GRIP1: variants seen among roughly 807,000 people sequenced by gnomAD.
The protein encoded by GRIP1 is glutamate receptor interacting protein 1.
A neutral mutation model predicts 129.9 loss-of-function variants in GRIP1; 45 were observed. That is an observed-to-expected ratio of 0.35 (90% CI 0.27 to 0.44). The LOEUF (loss-of-function observed/expected upper bound fraction) is 0.44, where lower values mean the gene tolerates loss of function less well. GRIP1 is among the 20% of genes least tolerant of loss of function. The probability of loss-of-function intolerance (pLI) is 1.00; values close to 1 mark genes in which losing one functional copy is unlikely to be tolerated. For synonymous variants in GRIP1, 530 were observed against 520.8 expected (o/e 1.02, Z -0.24); for missense variants, 1,196 against 1,396.8 (o/e 0.86, Z 2.29).
chr12:66,830,422 T>C (rs890441118), intron 1 of GRIP1, among the ~76,000 whole-genome samples: 1 of 151,610 alleles, frequency 6.6e-6, no homozygotes, highest in Non-Finnish European at 1.5e-5. Flanking sequence ...AGAGACAGAG[T>C]GAGCCTTGAA....
At chr12:66,729,384 G>A (rs1051509979) in intron 1 of GRIP1, among the ~76,000 whole-genome samples, 6 of 152,000 alleles carry the variant, frequency 3.9e-5, no homozygotes, top group African/African-American at 1.5e-4. Flanking sequence ...GGCAAATAGT[G>A]AGCATAATAA....
chr12:66,914,313 G>C (rs553020573), intron 1 of GRIP1, among the ~76,000 whole-genome samples: 19 of 152,270 alleles, frequency 1.2e-4, no homozygotes, highest in African/African-American at 4.6e-4. Context: ...TATAGGTAAA[G>C]TTTATAAATA....
At chr12:66,712,009 G>T (rs1054085010) in intron 1 of GRIP1, among the ~76,000 whole-genome samples, 6 of 151,878 alleles carry the variant, frequency 4.0e-5, no homozygotes, top group Admixed American at 6.6e-5. Flanking sequence ...AGCTATCCAA[G>T]AACTATAGTT....
At chr12:66,893,493 C>T (rs2040696068) in intron 1 of GRIP1, among the ~76,000 whole-genome samples, 1 of 152,192 alleles carries the variant, frequency 6.6e-6, no homozygotes, top group African/African-American at 2.4e-5. Context: ...CTGCCTTGGC[C>T]TCCCAAAGTG....
chr12:66,515,515 C>A, intron 7 of GRIP1, 104 bp downstream of exon 7: 1 of 1,027,340 alleles, frequency 9.7e-7, no homozygotes, highest in Non-Finnish European at 1.5e-6. Flanking sequence ...ATTCTGTCTG[C>A]TCCAGGAGGG....
intron 1 of GRIP1, among the ~76,000 whole-genome samples, chr12:66,749,541 G>A (rs183868553): frequency 5.9e-5 from 9 of 152,232 alleles, no homozygotes; most frequent in East Asian, 1.9e-4. Context: ...CTTCTTAAAC[G>A]TTGATTTTGT....
chr12:66,605,086 T>A (rs1181251184), intron 1 of GRIP1, among the ~76,000 whole-genome samples: 1 of 149,262 alleles, frequency 6.7e-6, no homozygotes, highest in Non-Finnish European at 1.5e-5. Context: ...TATTCACAAT[T>A]TGGACTGCAG....
chr12:66,387,372 T>C (rs1349940854), intron 19 of GRIP1, among the ~76,000 whole-genome samples: 2 of 152,178 alleles, frequency 1.3e-5, no homozygotes, highest in Non-Finnish European at 2.9e-5. Flanking sequence ...TGCTCTCTGG[T>C]AGCTGGGGAA....
chr12:66,844,754 A>G (rs1459820130), intron 1 of GRIP1, among the ~76,000 whole-genome samples: 1 of 152,252 alleles, frequency 6.6e-6, no homozygotes, highest in Non-Finnish European at 1.5e-5. Flanking sequence ...ATAGATACTT[A>G]GATATGATGA....
chr12:66,545,433 C>A (rs761139021), intron 2 of GRIP1, among the ~76,000 whole-genome samples: 14 of 152,094 alleles, frequency 9.2e-5, no homozygotes, highest in Non-Finnish European at 1.9e-4. Flanking sequence ...ATGCAGAAAA[C>A]TATATCCTTT....
At chr12:66,741,672 G>A (rs2036791487) in intron 1 of GRIP1, among the ~76,000 whole-genome samples, 1 of 152,182 alleles carries the variant, frequency 6.6e-6, no homozygotes, top group Non-Finnish European at 1.5e-5. Context: ...CGTTATTAAG[G>A]TTTCATATTG....
chr12:66,632,323 A>G (rs930023126), intron 1 of GRIP1, among the ~76,000 whole-genome samples: 4 of 152,198 alleles, frequency 2.6e-5, no homozygotes, highest in African/African-American at 9.6e-5. Flanking sequence ...AGCTTTATCT[A>G]AAGAGAAGGC....
At chr12:66,379,868 C>T (rs574998325) in intron 19 of GRIP1, among the ~76,000 whole-genome samples, 61 of 152,232 alleles carry the variant, frequency 4.0e-4, no homozygotes, top group African/African-American at 1.3e-3. Context: ...CAACTGTACT[C>T]CTGCCACTTT....
At chr12:66,637,181 T>C (rs2031474431) in intron 1 of GRIP1, among the ~76,000 whole-genome samples, 1 of 152,028 alleles carries the variant, frequency 6.6e-6, no homozygotes, top group African/African-American at 2.4e-5. Flanking sequence ...AACCAAAATG[T>C]ACACTGATGG....
intron 4 of GRIP1, among the ~76,000 whole-genome samples, chr12:66,538,862 C>G (rs1224153909): frequency 6.6e-6 from 1 of 152,124 alleles, no homozygotes; most frequent in Non-Finnish European, 1.5e-5. Context: ...CTCAGCCTCC[C>G]AAAGTGCTAG....
chr12:66,465,106 G>C (rs1048393722), intron 8 of GRIP1, among the ~76,000 whole-genome samples, 169 bp downstream of exon 8: 2 of 151,850 alleles, frequency 1.3e-5, no homozygotes, highest in Admixed American at 6.6e-5. Context: ...CACCATGACT[G>C]GCTAATTTCT....
chr12:67,067,759 T>C (rs1046968544), intron 1 of GRIP1, among the ~76,000 whole-genome samples: 1 of 152,136 alleles, frequency 6.6e-6, no homozygotes, highest in African/African-American at 2.4e-5. Context: ...ACTTTTAACA[T>C]GCCCAATAAC....
At chr12:66,758,699 C>A (rs184754965) in intron 1 of GRIP1, among the ~76,000 whole-genome samples, 1 of 152,286 alleles carries the variant, frequency 6.6e-6, no homozygotes, top group East Asian at 1.9e-4. Context: ...GTAAACACAG[C>A]CATTCCAAAT....
intron 1 of GRIP1, among the ~76,000 whole-genome samples, chr12:66,772,684 C>G (rs1415332449): frequency 1.3e-5 from 2 of 152,216 alleles, no homozygotes; most frequent in East Asian, 1.9e-4. Flanking sequence ...CCCCCAACAT[C>G]TAGGCTTGTG....
Sources: allele counts gnomAD v4.1 joint callset (sites outside exome capture counted in the v4.1 genomes callset), GRCh38; gene constraint gnomAD v4.1.1; transcripts MANE v1.5; gene names NCBI Gene and HGNC (gene_info 2026-07-23, HGNC 2026-07-21).